Variants in SPECC1 observed in about 807,000 individuals in gnomAD.
SPECC1 encodes the protein cytospin-B.
A neutral mutation model predicts 104.1 loss-of-function variants in SPECC1; 62 were observed. The ratio of observed to expected loss-of-function variants is 0.60; its 90% CI spans 0.49 to 0.74. The LOEUF (loss-of-function observed/expected upper bound fraction) is 0.74. Ranked by LOEUF, SPECC1 falls within the 30% of genes least tolerant of loss-of-function variation. The pLI is 0.00. For synonymous variants in SPECC1, 513 were observed against 501.6 expected (o/e 1.02, Z -0.30); for missense variants, 1,306 against 1,310.5 (o/e 1.00, Z 0.05).
Position 20,096,788 on chromosome 17 carries a change from G to A in SPECC1, c.137G>A (p.Arg46Gln), listed in dbSNP as rs141233901. The change falls in exon 2 of 15, where the codon CGA becomes CAA. Residue 46 changes from arginine (R) to glutamine (Q), a missense_variant. Arg to Gln is a conservative substitution (Grantham distance 43). This residue lies in a region of SPECC1 where 1,177 missense variants were observed against 1,139.9 expected (regional missense o/e 1.03). Coordinates refer to ENST00000395527, the MANE Select transcript of SPECC1 (RefSeq NM_001243439.2). ...KSSTSLAFES[R>Q]LSRLKRASSE... The stretch of plus-strand genomic sequence containing the variant: ...TCAACTTCCTTGGCTTTTGAGTCCC[G>A]ACTCAGCAGGGTATGGATCAAAATG... 139 of 1,613,418 alleles carry A rather than the reference G, an allele frequency of 8.6e-5. 1 individual carries two copies. In the African/African-American group the frequency reaches 1.3e-3, roughly 15 times the overall value.
chr17:20,132,630 C>T (rs2049707835), intron 3 of SPECC1, among the ~76,000 whole-genome samples: 1 of 151,224 alleles, frequency 6.6e-6, no homozygotes, highest in Non-Finnish European at 1.5e-5. Context: ...TAGGGCTACT[C>T]ATATTACCTG....
intron 12 of SPECC1, among the ~76,000 whole-genome samples, chr17:20,264,301 C>T (rs1567591890): frequency 6.6e-6 from 1 of 151,834 alleles, no homozygotes; most frequent in Non-Finnish European, 1.5e-5. Context: ...GGGTATATTG[C>T]TTGATGCTGA....
intron 1 of SPECC1, among the ~76,000 whole-genome samples, chr17:20,030,843 T>C (rs1355262289): frequency 6.6e-6 from 1 of 152,148 alleles, no homozygotes; most frequent in East Asian, 1.9e-4. Flanking sequence ...GCCCTTTTTT[T>C]TGTGGTAAGA....
chr17:20,099,712 AAAAAAAAAC>A (rs1353298838), intron 2 of SPECC1, among the ~76,000 whole-genome samples: 11 of 149,070 alleles, frequency 7.4e-5, no homozygotes, highest in African/African-American at 1.2e-4. Flanking sequence ...AAAAAAAAAA[AAAAAAAAAC>A]CCACAAAATA....
At chr17:20,115,403 G>A (rs1329912517) in intron 3 of SPECC1, among the ~76,000 whole-genome samples, 9 of 152,124 alleles carry the variant, frequency 5.9e-5, no homozygotes, top group Non-Finnish European at 1.3e-4. Flanking sequence ...AACCCGGGAG[G>A]TGGAGGTTGC....
intron 12 of SPECC1, among the ~76,000 whole-genome samples, chr17:20,279,322 TC>T (rs372881009): frequency 2.0e-5 from 3 of 148,760 alleles, no homozygotes; most frequent in Non-Finnish European, 4.4e-5. Flanking sequence ...TTTTTTTTTT[TC>T]TTTTTTTTTT....
chr17:20,298,063 GT>G (rs1413477055), intron 13 of SPECC1, among the ~76,000 whole-genome samples: 12 of 152,166 alleles, frequency 7.9e-5, no homozygotes, highest in Admixed American at 7.9e-4. Context: ...GTCAGAACTG[GT>G]GTTGGGGCTG....
At chr17:20,127,632 G>A (rs1048170074) in intron 3 of SPECC1, among the ~76,000 whole-genome samples, 6 of 152,080 alleles carry the variant, frequency 3.9e-5, no homozygotes, top group African/African-American at 1.4e-4. Context: ...ACGCTCTGTC[G>A]AAGGAAGAGG....
At chr17:20,155,866 A>C in intron 3 of SPECC1, 1 of 1,055,242 alleles carries the variant, frequency 9.5e-7, no homozygotes, top group Non-Finnish European at 1.2e-6. Context: ...CCAAGAAGGA[A>C]ATACAGATGA....
chr17:20,273,344 G>A (rs1369875290), intron 12 of SPECC1, among the ~76,000 whole-genome samples: 1 of 152,130 alleles, frequency 6.6e-6, no homozygotes, highest in Non-Finnish European at 1.5e-5. Context: ...GGGGCATGGT[G>A]GTGCACGCCT....
intron 12 of SPECC1, among the ~76,000 whole-genome samples, chr17:20,261,501 CAAAA>C (rs75833770): frequency 1.8e-5 from 1 of 54,748 alleles, no homozygotes; most frequent in African/African-American, 5.6e-5. Flanking sequence ...GACTCCGTCT[CAAAA>C]AAAAAAAAAA....
chr17:20,135,276 GA>G (rs1390948852), intron 3 of SPECC1, among the ~76,000 whole-genome samples: 1 of 152,138 alleles, frequency 6.6e-6, no homozygotes, highest in African/African-American at 2.4e-5. Flanking sequence ...GTGTACTCTT[GA>G]TACTTCCCTC....
intron 4 of SPECC1, among the ~76,000 whole-genome samples, chr17:20,213,654 G>A (rs1356612182): frequency 6.6e-6 from 1 of 152,170 alleles, no homozygotes; most frequent in Non-Finnish European, 1.5e-5. Flanking sequence ...AGTCTTGAGG[G>A]GAGAGGGGGT....
chr17:20,309,895 G>A lies in SPECC1; in HGVS notation c.3117+3813G>A, dbSNP rs144801498. 8.2e-3 allele frequency among the ~76,000 whole-genome samples: 1,167 copies of A among 141,630 alleles called. 18 individuals are homozygous for A. Among genetic ancestry groups the A allele is most frequent in the African/African-American group, 0.029 (1,110 of 37,942 alleles). The allele number at this position is 141,630 out of a possible 152,430, so 92.9% of individuals were successfully genotyped here. On this transcript the variant is annotated intron_variant, in intron 14 of 14. Transcript: ENST00000395527. ...TGCAATGGTGCAATCTTGGCTCACT[G>A]CAACCTCCGACTTCCGGGTTCAAGC...
intron 1 of SPECC1, among the ~76,000 whole-genome samples, chr17:20,070,152 C>G (rs1385528489): frequency 3.3e-5 from 5 of 152,148 alleles, no homozygotes; most frequent in African/African-American, 1.2e-4. Flanking sequence ...ATAATGTTGA[C>G]AAGAAGTGGT....
intron 1 of SPECC1, among the ~76,000 whole-genome samples, chr17:20,095,524 G>A (rs974933741): frequency 6.6e-5 from 10 of 152,198 alleles, no homozygotes; most frequent in Non-Finnish European, 1.3e-4. Context: ...GGGAACTAGA[G>A]AGACATTGTC....
At position 20,215,370 on chromosome 17, in the gene SPECC1, A is replaced by G. The variant is rs559624171; in HGVS notation, c.1863+9458A>G. Among the ~76,000 whole-genome samples, 7 of 152,354 alleles carry G rather than the reference A, an allele frequency of 4.6e-5. No individual in the cohort carries two copies. The South Asian group carries it at 1.0e-3, about 23-fold the overall frequency. Reference sequence around the variant, plus strand: ...TCGAGAAAACTTGATTGAATGGACTATATAATCACTATATAATAAACAGAT... The same window carrying G: ...TCGAGAAAACTTGATTGAATGGACTGTATAATCACTATATAATAAACAGAT... On this transcript the variant is annotated intron_variant, in intron 4 of 14. Transcript: ENST00000395527.
chr17:20,243,521 A>G (rs1294940451), intron 7 of SPECC1, among the ~76,000 whole-genome samples: 1 of 152,164 alleles, frequency 6.6e-6, no homozygotes, highest in Non-Finnish European at 1.5e-5. Context: ...TGGTTATTCA[A>G]TTCAGGCTAT....
chr17:20,294,856 C>A (rs1276596423), intron 12 of SPECC1, among the ~76,000 whole-genome samples: 3 of 152,230 alleles, frequency 2.0e-5, no homozygotes, highest in East Asian at 1.9e-4. Flanking sequence ...AAATCCTCTA[C>A]TGTTTTGAGC....
Sources: gnomAD v4.1 joint callset for allele counts (sites outside exome capture counted in the v4.1 genomes callset) on GRCh38, gnomAD v4.1.1 for gene constraint, gnomAD v4.1.1 regional missense constraint, MANE v1.5 for transcripts, NCBI Gene and HGNC (gene_info 2026-07-23, HGNC 2026-07-21) for gene names.